Variants in CAPN5 observed in about 807,000 individuals in gnomAD.
CAPN5 encodes calpain-5.
In CAPN5, 54 loss-of-function variants were observed where a neutral mutation model predicts 73.0. That is an observed-to-expected ratio of 0.74 (90% CI 0.59 to 0.93). The LOEUF (loss-of-function observed/expected upper bound fraction) is 0.93, where lower values mean the gene tolerates loss of function less well. CAPN5 is among the 40% of genes least tolerant of loss of function. The pLI is 0.00. For synonymous variants in CAPN5, 335 were observed against 356.9 expected, an observed-to-expected ratio of 0.94 and a Z score of 0.69; for missense variants, 785 against 882.9, an observed-to-expected ratio of 0.89 and a Z score of 1.41.
chr11:77,112,717 A>C lies in CAPN5; in HGVS notation c.426A>C (p.Thr142=). The part of the protein sequence containing the change: ...VDVVIDDRLP[T]VNNQLIYCHS... The stretch of plus-strand genomic sequence containing the variant: ...TGGTCATCGATGACCGGCTGCCCAC[A>C]GTCAACAACCAGCTCATCTACTGCC... The change falls in exon 4 of 13, where the codon ACA becomes ACC. Residue 142 remains threonine, a synonymous_variant. Coordinates refer to ENST00000648180, the MANE Select transcript of CAPN5 (RefSeq NM_004055.5). 6.2e-7 allele frequency: 1 copy of C among 1,614,242 alleles called. No individual in the cohort carries two copies. The highest frequency in any genetic ancestry group is 1.1e-5 in the South Asian group (1 of 91,090).
intron 1 of CAPN5, among the ~76,000 whole-genome samples, chr11:77,078,618 A>T (rs1949997393): frequency 1.3e-5 from 2 of 152,074 alleles, no homozygotes; most frequent in Admixed American, 6.6e-5. Context: ...TGGAATTTTG[A>T]TAGGGGATTG....
At chr11:77,092,194 G>A (rs974922715) in intron 2 of CAPN5, among the ~76,000 whole-genome samples, 3 of 152,190 alleles carry the variant, frequency 2.0e-5, no homozygotes, top group Non-Finnish European at 4.4e-5. Flanking sequence ...TCCAGTTTGG[G>A]TGACAGACGA....
Position 77,122,722 on chromosome 11 carries a change from C to T in CAPN5, c.1740+10C>T. Reference sequence around the variant, plus strand: ...GCCCATCACTGTACAGGTGAGCCCCCTGGTCCAGAGGCCACCTCCTGGGCT... The same window carrying T: ...GCCCATCACTGTACAGGTGAGCCCCTTGGTCCAGAGGCCACCTCCTGGGCT... On this transcript the variant is annotated intron_variant, in intron 12 of 12. Transcript: ENST00000648180. 6.2e-7 allele frequency: 1 copy of T among 1,612,856 alleles called. No homozygotes were observed. The highest frequency in any genetic ancestry group is 8.5e-7 in the Non-Finnish European group (1 of 1,179,810).
intron 3 of CAPN5, among the ~76,000 whole-genome samples, chr11:77,106,599 G>A (rs1260437984): frequency 6.6e-6 from 1 of 152,200 alleles, no homozygotes; most frequent in Non-Finnish European, 1.5e-5. Context: ...GCCAGCAATG[G>A]CACCTCTCTC....
At chr11:77,121,840 C>T in intron 10 of CAPN5, 94 bp from the exon 11 acceptor site, 4 of 644,240 alleles carry the variant, frequency 6.2e-6, no homozygotes, top group Non-Finnish European at 1.1e-5. Context: ...CTAAATACTG[C>T]TTCTCTTCCC....
intron 3 of CAPN5, among the ~76,000 whole-genome samples, chr11:77,105,210 G>A (rs1035581446): frequency 2.0e-5 from 3 of 151,884 alleles, no homozygotes; most frequent in Admixed American, 1.3e-4. Context: ...CCCTGGCCTC[G>A]GTGGTGTGCA....
chr11:77,092,221 G>A (rs1950155325), intron 2 of CAPN5, among the ~76,000 whole-genome samples: 1 of 152,098 alleles, frequency 6.6e-6, no homozygotes, highest in Non-Finnish European at 1.5e-5. Flanking sequence ...GCCTCAAAAA[G>A]ACAAAAACAA....
chr11:77,083,478 C>T (rs934811135), intron 1 of CAPN5, among the ~76,000 whole-genome samples: 2 of 152,206 alleles, frequency 1.3e-5, no homozygotes, highest in Non-Finnish European at 2.9e-5. Context: ...GGGTTCCCGT[C>T]CGGACACCAG....
intron 1 of CAPN5, among the ~76,000 whole-genome samples, chr11:77,075,080 C>T (rs564619544): frequency 2.6e-5 from 4 of 152,314 alleles, no homozygotes; most frequent in South Asian, 4.1e-4. Context: ...CAAGTCCCTC[C>T]GCTGCTCAGC....
At chr11:77,108,314 G>A (rs1555040214) in intron 3 of CAPN5, among the ~76,000 whole-genome samples, 1 of 152,190 alleles carries the variant, frequency 6.6e-6, no homozygotes, top group African/African-American at 2.4e-5. Context: ...GAAAGGGGCT[G>A]CCTGACTGTT....
chr11:77,083,798 A>C (rs190071647), intron 1 of CAPN5, among the ~76,000 whole-genome samples: 2 of 152,326 alleles, frequency 1.3e-5, no homozygotes, highest in East Asian at 3.9e-4. Flanking sequence ...TCACATGACC[A>C]GTTCAACGTC....
At chr11:77,076,836 GAT>G (rs1949974990) in intron 1 of CAPN5, among the ~76,000 whole-genome samples, 1 of 152,154 alleles carries the variant, frequency 6.6e-6, no homozygotes, top group Non-Finnish European at 1.5e-5. Context: ...TGGGAGTGCA[GAT>G]ATGTTTTCAA....
Position 77,093,772 on chromosome 11 carries a change from G to T in CAPN5, c.256G>T (p.Ala86Ser). 2 of 1,612,198 alleles carry T rather than the reference G, an allele frequency of 1.2e-6. No homozygotes were observed. The highest frequency in any genetic ancestry group is 2.2e-5 in the East Asian group (1 of 44,878). ...GQVGNCWFVAACSSLASRESL... is the reference protein window; with the variant it reads ...GQVGNCWFVASCSSLASRESL... ...GGTGGGCAACTGCTGGTTTGTGGCAGCCTGCTCGTCACTTGCCTCCCGGGA... is the reference window on the plus strand; with the variant it reads ...GGTGGGCAACTGCTGGTTTGTGGCATCCTGCTCGTCACTTGCCTCCCGGGA... The change falls in exon 3 of 13, where the codon GCC becomes TCC. Residue 86 changes from alanine (A) to serine (S), a missense_variant. Physicochemically the swap from Ala to Ser is moderately conservative, Grantham distance 99 (BLOSUM62 1). Coordinates refer to ENST00000648180, the MANE Select transcript of CAPN5 (RefSeq NM_004055.5).
chr11:77,099,542 A>G (rs1950260812), intron 3 of CAPN5, among the ~76,000 whole-genome samples: 1 of 151,644 alleles, frequency 6.6e-6, no homozygotes, highest in Admixed American at 6.6e-5. Context: ...GGCCCGGCCA[A>G]CACAGCGAAA....
In CAPN5 at chr11:77,118,369, A is replaced by AC; in HGVS notation, c.1167+22dup. ...AACCCACAGGTGGGCGTTCTCAGGA[A>AC]CCCCCACCCTGCCCTGTAGCAGCTG... On this transcript the variant is annotated intron_variant, in intron 8 of 12. Transcript: ENST00000648180. 6.5e-7 allele frequency: 1 copy of AC among 1,549,792 alleles called. No homozygotes were observed. The highest frequency in any genetic ancestry group is 2.4e-5 in the East Asian group (1 of 41,636).
At chr11:77,115,018 G>A (rs982019486) in intron 5 of CAPN5, among the ~76,000 whole-genome samples, 11 of 151,904 alleles carry the variant, frequency 7.2e-5, no homozygotes, top group African/African-American at 9.7e-5. Context: ...AGCCAAGATC[G>A]CGCCATTGCA....
chr11:77,120,865 C>A lies in CAPN5; in HGVS notation c.1443C>A (p.Gly481=), dbSNP rs368622149. ...CAACCTTCGAGCCAGGCCACACTGG[C>A]GAGTTCCTGCTCCGAGTCTTCACTG... The part of the protein sequence containing the change: ...IPTTFEPGHT[G]EFLLRVFTDV... The change falls in exon 10 of 13, where the codon GGC becomes GGA. Residue 481 remains glycine, a synonymous_variant. Coordinates refer to ENST00000648180, the MANE Select transcript of CAPN5 (RefSeq NM_004055.5). 2 of 1,614,010 alleles carry A rather than the reference C, an allele frequency of 1.2e-6. No homozygotes were observed. The highest frequency in any genetic ancestry group is 2.7e-5 in the African/African-American group (2 of 74,940).
intron 5 of CAPN5, among the ~76,000 whole-genome samples, chr11:77,114,654 C>G (rs1333209195): frequency 6.6e-6 from 1 of 152,184 alleles, no homozygotes; most frequent in Admixed American, 6.5e-5. Context: ...CTTTTCTGAT[C>G]CTCTTGGGTT....
intron 1 of CAPN5, among the ~76,000 whole-genome samples, chr11:77,073,359 T>C (rs1216260370): frequency 6.6e-6 from 1 of 152,134 alleles, no homozygotes; most frequent in East Asian, 1.9e-4. Context: ...CAGAAGCTCC[T>C]CTCCCTTGGC....
Sources: gnomAD v4.1 joint callset for allele counts (sites outside exome capture counted in the v4.1 genomes callset) on GRCh38, gnomAD v4.1.1 for gene constraint, MANE v1.5 for transcripts, NCBI Gene and HGNC (gene_info 2026-07-23, HGNC 2026-07-21) for gene names.